The following COL14A1 variants were observed in gnomAD, a reference collection of about 807,000 sequenced individuals.
COL14A1 encodes the protein collagen type XIV alpha 1 chain, also known as collagen alpha-1(XIV) chain.
COL14A1 carries 136 observed loss-of-function variants against 230.3 expected under a neutral mutation model. The ratio of observed to expected loss-of-function variants is 0.59; its 90% CI spans 0.51 to 0.68. COL14A1 has a LOEUF of 0.68. Ranked by LOEUF, COL14A1 falls within the 30% of genes least tolerant of loss-of-function variation. The pLI is 0.00. For synonymous variants in COL14A1, 792 were observed against 784.1 expected (o/e 1.01, Z -0.17); for missense variants, 1,976 against 2,215.8 (o/e 0.89, Z 2.17).
chr8:120,212,955 A>G (rs1460069319), intron 13 of COL14A1, among the ~76,000 whole-genome samples: 1 of 152,202 alleles, frequency 6.6e-6, no homozygotes, highest in Non-Finnish European at 1.5e-5. Context: ...TTGATTGTAT[A>G]AAAGGAAGAA....
chr8:120,372,626 T>C lies in COL14A1; in HGVS notation c.*1395T>C, dbSNP rs535080584. On this transcript the variant is annotated 3_prime_UTR_variant, in exon 48 of 48. Coordinates refer to ENST00000297848, the MANE Select transcript of COL14A1 (RefSeq NM_021110.4). ...TTACAACTAGAAGCTGGATTCTTTC[T>C]GGATCAGGAAAAGGCTAACACGAAG... 6.6e-6 allele frequency among the ~76,000 whole-genome samples: 1 copy of C among 152,314 alleles called. No homozygotes were observed. Among genetic ancestry groups the C allele is most frequent in the African/African-American group, 2.4e-5 (1 of 41,572 alleles).
intron 42 of COL14A1, 98 bp downstream of exon 42, chr8:120,332,833 A>G: frequency 2.2e-6 from 2 of 922,704 alleles, no homozygotes; most frequent in Non-Finnish European, 3.3e-6. Flanking sequence ...AGAAATGTTT[A>G]TTCAGCACTG....
chr8:120,358,988 A>G (rs1397158085), intron 45 of COL14A1, among the ~76,000 whole-genome samples: 2 of 152,116 alleles, frequency 1.3e-5, no homozygotes, highest in Non-Finnish European at 2.9e-5. Context: ...AATATAGTGA[A>G]GTAGTTTGAC....
intron 23 of COL14A1, among the ~76,000 whole-genome samples, chr8:120,257,952 T>C (rs1050080117): frequency 2.0e-5 from 3 of 152,200 alleles, no homozygotes; most frequent in African/African-American, 4.8e-5. Flanking sequence ...CAACCGCTGG[T>C]CAACTTTCTT....
intron 15 of COL14A1, among the ~76,000 whole-genome samples, chr8:120,225,809 G>A (rs1207958817): frequency 6.6e-6 from 1 of 151,916 alleles, no homozygotes; most frequent in African/African-American, 2.4e-5. Context: ...ACTTATCATG[G>A]ATTGCACTTG....
rs780749441 is a variant in COL14A1 at position 120,158,083 on chromosome 8, A to C, written c.89-47A>C. 8 of 1,023,870 alleles carry C rather than the reference A, an allele frequency of 7.8e-6. No homozygotes were observed. In the African/African-American group the frequency reaches 8.2e-5, roughly 10 times the overall value. The allele number at this position is 1,023,870 out of a possible 1,614,324, so 63.4% of individuals were successfully genotyped here. ...TTGACTTTCTGATTTAACAAATAGA[A>C]GCTTAAATGTTACAATGTTTACATC... On this transcript the variant is annotated intron_variant, in intron 2 of 47. Coordinates refer to ENST00000297848, the MANE Select transcript of COL14A1 (RefSeq NM_021110.4).
intron 25 of COL14A1, among the ~76,000 whole-genome samples, chr8:120,268,444 A>T (rs1363127557): frequency 6.6e-6 from 1 of 151,596 alleles, no homozygotes; most frequent in Non-Finnish European, 1.5e-5. Flanking sequence ...CTGAGTATGG[A>T]TATTATTCCG....
chr8:120,272,327 A>G (rs1819691705), intron 26 of COL14A1, among the ~76,000 whole-genome samples: 1 of 151,818 alleles, frequency 6.6e-6, no homozygotes, highest in East Asian at 1.9e-4. Context: ...GTTGATATAC[A>G]TCAGAATATA....
chr8:120,194,037 G>A (rs1043721301), intron 5 of COL14A1, among the ~76,000 whole-genome samples: 49 of 152,168 alleles, frequency 3.2e-4, no homozygotes, highest in African/African-American at 2.4e-4. Flanking sequence ...TTCGGCTCGC[G>A]CACGGTGCGC....
rs1822465383 is a variant in COL14A1, at chr8:120,345,362, C to T, written c.4889-13C>T. 6 of 1,554,864 alleles carry T rather than the reference C, an allele frequency of 3.9e-6. No individual in the cohort carries two copies. The highest frequency in any genetic ancestry group is 2.2e-5 in the Admixed American group (1 of 46,468). On this transcript the variant is annotated splice_polypyrimidine_tract_variant and intron_variant, in intron 44 of 47. Transcript: ENST00000297848. ...CAGTTCACTGAATGCTGTCTTTATG[C>T]TTCATACCTCAGGTCACATGGCCAG... is the stretch of plus-strand genomic sequence containing the variant.
At chr8:120,158,591 A>G (rs1358534998) in intron 3 of COL14A1, among the ~76,000 whole-genome samples, 1 of 152,250 alleles carries the variant, frequency 6.6e-6, no homozygotes, top group Non-Finnish European at 1.5e-5. Context: ...ATTATTAATT[A>G]ACTCAATAGA....
chr8:120,305,161 G>A (rs572513960), intron 36 of COL14A1, among the ~76,000 whole-genome samples: 1 of 152,174 alleles, frequency 6.6e-6, no homozygotes, highest in Non-Finnish European at 1.5e-5. Context: ...TGCATTTTTA[G>A]TAGAGATGGG....
At chr8:120,357,309 G>A (rs1823022242) in intron 45 of COL14A1, among the ~76,000 whole-genome samples, 1 of 152,100 alleles carries the variant, frequency 6.6e-6, no homozygotes. Flanking sequence ...CTCCAGCCCT[G>A]GCTGATGATT....
At chr8:120,272,831 A>G (rs11783320) in intron 26 of COL14A1, among the ~76,000 whole-genome samples, 74,161 of 151,458 alleles carry the variant, frequency 0.49, 18,616 homozygotes, top group African/African-American at 0.6. Flanking sequence ...GTAAGACAAC[A>G]ACACAATAAT....
At position 120,266,969 on chromosome 8, in the gene COL14A1, T is replaced by C; in HGVS notation, c.3073+86T>C. The stretch of plus-strand genomic sequence containing the variant: ...GCCTGTTCATTTCAAACCAGGATAT[T>C]AATAAAGTATATTTATTGTGCTACC... On this transcript the variant is annotated intron_variant, in intron 25 of 47. Transcript: ENST00000297848. 4 of 1,152,542 alleles carry C rather than the reference T, an allele frequency of 3.5e-6. No individual in the cohort carries two copies. In the South Asian group the frequency reaches 5.0e-5, roughly 14 times the overall value. 71.4% of individuals were successfully genotyped at this position (1,152,542 alleles called of 1,614,324 possible).
At chr8:120,287,056 C>T (rs1347506533) in intron 33 of COL14A1, among the ~76,000 whole-genome samples, 1 of 152,108 alleles carries the variant, frequency 6.6e-6, no homozygotes, top group Non-Finnish European at 1.5e-5. Context: ...CCCTTACTGC[C>T]CTTTTAAAGT....
At chr8:120,332,885 G>A (rs906448181) in intron 42 of COL14A1, 150 bp downstream of exon 42, 4 of 602,390 alleles carry the variant, frequency 6.6e-6, no homozygotes, top group African/African-American at 3.7e-5. Context: ...AAAGCTTCTA[G>A]GATAAAGATG....
intron 31 of COL14A1, among the ~76,000 whole-genome samples, chr8:120,282,997 T>C (rs189914701): frequency 7.4e-4 from 112 of 152,186 alleles, no homozygotes; most frequent in African/African-American, 2.6e-3. Context: ...CAGGTCCTTA[T>C]ACTTCCTCAA....
chr8:120,175,136 G>T (rs749105021), intron 5 of COL14A1, among the ~76,000 whole-genome samples: 3 of 152,166 alleles, frequency 2.0e-5, no homozygotes, highest in Non-Finnish European at 4.4e-5. Context: ...AACAGAAGTG[G>T]CTGTGCAGTT....
Sources: allele counts gnomAD v4.1 joint callset (sites outside exome capture counted in the v4.1 genomes callset), GRCh38; gene constraint gnomAD v4.1.1; transcripts MANE v1.5; gene names NCBI Gene and HGNC (gene_info 2026-07-23, HGNC 2026-07-21).